TLCD3A: variants seen among roughly 807,000 people sequenced by gnomAD.
The protein encoded by TLCD3A is TLC domain containing 3A.
A neutral mutation model predicts 29.9 loss-of-function variants in TLCD3A; 17 were observed. The observed-to-expected ratio is 0.57, with a 90% confidence interval of 0.39 to 0.85. The LOEUF is 0.85. Ranked by LOEUF, TLCD3A falls within the 40% of genes least tolerant of loss-of-function variation. The probability of loss-of-function intolerance (pLI) is 0.00; values close to 1 mark genes in which losing one functional copy is unlikely to be tolerated. For synonymous variants in TLCD3A, 143 were observed against 147.7 expected (o/e 0.97, Z 0.23); for missense variants, 332 against 350.8 (o/e 0.95, Z 0.43).
chr17:737,820 C>T (rs757947784), intron 2 of TLCD3A, 26 bp from the exon 3 acceptor site: 125 of 1,604,502 alleles, frequency 7.8e-5, no homozygotes, highest in South Asian at 1.3e-4. Flanking sequence ...AATGATTTCA[C>T]GGGCCATTCA....
At chr17:735,952 C>T (rs1304268817) in intron 2 of TLCD3A, among the ~76,000 whole-genome samples, 2 of 132,054 alleles carry the variant, frequency 1.5e-5, no homozygotes, top group South Asian at 2.5e-4. Context: ...CCAGCCTGGG[C>T]GACAGAGCAA....
intron 3 of TLCD3A, 47 bp downstream of exon 3, chr17:738,094 G>GGATTTTTT: frequency 2.3e-6 from 1 of 428,610 alleles, no homozygotes; most frequent in Non-Finnish European, 3.5e-6. Flanking sequence ...TGAGCTGGGT[G>GGATTTTTT]TCTTTTTTTT....
chr17:740,566 C>G lies in TLCD3A; in HGVS notation c.470C>G (p.Thr157Ser). Residue 157 changes from threonine (T) to serine (S), a missense_variant, in exon 4 of 5, where the codon ACT (threonine) becomes AGT (serine). Coordinates refer to ENST00000308278, the MANE Select transcript of TLCD3A (RefSeq NM_024792.3). ...VGCIFTAELSTPFVSLGRVLI... is the reference protein window; with the variant it reads ...VGCIFTAELSSPFVSLGRVLI... ...TGCATCTTCACGGCAGAACTGAGCA[C>G]TCCGTTTGTGTCGCTGGGCAGGGTT... The G allele has an allele frequency of 6.2e-7, 1 of 1,614,008 alleles. No individual in the cohort carries two copies. Among genetic ancestry groups the G allele is most frequent in the Non-Finnish European group, 8.5e-7 (1 of 1,179,974 alleles).
chr17:740,425 T>A, intron 3 of TLCD3A, 80 bp from the exon 4 acceptor site: 2 of 1,046,334 alleles, frequency 1.9e-6, no homozygotes, highest in Non-Finnish European at 3.0e-6. Context: ...GTTACCCTTT[T>A]CAGTAGCCCT....
intron 1 of TLCD3A, 57 bp downstream of exon 1, chr17:732,826 C>T: frequency 1.4e-6 from 2 of 1,390,594 alleles, no homozygotes; most frequent in Non-Finnish European, 1.9e-6. Flanking sequence ...CCGCACCCCA[C>T]CCGGCCGCGG....
At chr17:740,467 C>A in intron 3 of TLCD3A, 38 bp from the exon 4 acceptor site, 1 of 1,506,206 alleles carries the variant, frequency 6.6e-7, no homozygotes, top group Non-Finnish European at 9.2e-7. Context: ...GGTTTCTTAA[C>A]CTCCACTTAC....
chr17:740,883 T>G (rs767473327), intron 4 of TLCD3A, among the ~76,000 whole-genome samples: 1 of 152,174 alleles, frequency 6.6e-6, no homozygotes, highest in Non-Finnish European at 1.5e-5. Flanking sequence ...GAGAGTGGGA[T>G]GAGAGATCCT....
intron 3 of TLCD3A, among the ~76,000 whole-genome samples, chr17:738,540 C>T (rs79896120): frequency 0.011 from 1,629 of 152,270 alleles, 18 homozygotes; most frequent in East Asian, 0.06. Flanking sequence ...ACACATGAAA[C>T]GTTCATGATC....
Position 733,304 on chromosome 17 carries a change from C to T in TLCD3A, c.206+123C>T, listed in dbSNP as rs148990429. ...GGAAAAGCTGGCACCACAATGGGCTCCTTCTTCCTCTCCGGAGTCTTCGGG... is the reference window on the plus strand; with the variant it reads ...GGAAAAGCTGGCACCACAATGGGCTTCTTCTTCCTCTCCGGAGTCTTCGGG... On this transcript the variant is annotated intron_variant, in intron 2 of 4. Coordinates refer to ENST00000308278, the MANE Select transcript of TLCD3A (RefSeq NM_024792.3). The T allele has an allele frequency of 1.7e-5, 15 of 900,982 alleles. No homozygotes were observed. The South Asian group carries it at 2.6e-4, about 16-fold the overall frequency. 55.8% of individuals were successfully genotyped at this position (900,982 alleles called of 1,614,324 possible). A position where few individuals can be genotyped will look rare whatever the true frequency, so the allele number is the denominator to read the frequency against.
Position 742,342 on chromosome 17 carries a change from C to G in TLCD3A, c.*772C>G, listed in dbSNP as rs1400035918. ...TTCTTTTTCACACACCCCTTCATGC[C>G]CGGCTTTCCCCATATCCACATGCAG... On this transcript the variant is annotated 3_prime_UTR_variant, in exon 5 of 5. Coordinates refer to ENST00000308278, the MANE Select transcript of TLCD3A (RefSeq NM_024792.3). 1 of 152,156 alleles carries G rather than the reference C, an allele frequency of 6.6e-6. No individual in the cohort carries two copies. The highest frequency in any genetic ancestry group is 1.9e-4 in the East Asian group (1 of 5,198). The allele number at this position is 152,156 out of a possible 1,614,324, so 9.4% of individuals were successfully genotyped here. A position where few individuals can be genotyped will look rare whatever the true frequency, so the allele number is the denominator to read the frequency against.
intron 3 of TLCD3A, among the ~76,000 whole-genome samples, chr17:738,577 ACTTTTT>A (rs1172738317): frequency 6.6e-6 from 1 of 151,860 alleles, no homozygotes; most frequent in Non-Finnish European, 1.5e-5. Context: ...ACATCAACAT[ACTTTTT>A]CTTTTTTGAG....
chr17:734,891 C>T (rs911598275), intron 2 of TLCD3A, among the ~76,000 whole-genome samples: 12 of 151,514 alleles, frequency 7.9e-5, no homozygotes, highest in African/African-American at 2.9e-4. Flanking sequence ...CTCTGTCACC[C>T]ACGCTGGTCT....
chr17:736,006 A>G (rs79949999), intron 2 of TLCD3A, among the ~76,000 whole-genome samples: 1 of 137,570 alleles, frequency 7.3e-6, no homozygotes, highest in Non-Finnish European at 1.6e-5. Context: ...AAAAAAAAAA[A>G]GGAACCTGGC....
intron 3 of TLCD3A, among the ~76,000 whole-genome samples, chr17:739,387 C>T (rs1974214198): frequency 6.6e-6 from 1 of 152,130 alleles, no homozygotes; most frequent in South Asian, 2.1e-4. Context: ...CGGGGTTTCA[C>T]CATATTGGTC....
chr17:733,225 G>A, intron 2 of TLCD3A, 44 bp downstream of exon 2: 1 of 1,468,022 alleles, frequency 6.8e-7, no homozygotes, highest in South Asian at 1.3e-5. Context: ...TCACATTTCA[G>A]TAGCTCGCAG....
chr17:741,237 C>T, intron 4 of TLCD3A, 64 bp from the exon 5 acceptor site: 1 of 1,563,820 alleles, frequency 6.4e-7, no homozygotes, highest in Non-Finnish European at 8.7e-7. Context: ...GGGACTTGGG[C>T]CCGTCGCTCC....
intron 1 of TLCD3A, 134 bp from the exon 2 acceptor site, chr17:732,964 G>A (rs1974095894): frequency 3.6e-6 from 5 of 1,395,692 alleles, no homozygotes; most frequent in African/African-American, 3.0e-5. Flanking sequence ...GGGCGGGAAT[G>A]GCCGATGAGC....
At chr17:735,688 G>A (rs993825252) in intron 2 of TLCD3A, among the ~76,000 whole-genome samples, 1 of 152,032 alleles carries the variant, frequency 6.6e-6, no homozygotes, top group African/African-American at 2.4e-5. Context: ...AGCTAGGTCG[G>A]GTGCGGTGGC....
chr17:732,627 G>C lies in TLCD3A; in HGVS notation c.-21G>C. On this transcript the variant is annotated 5_prime_UTR_variant, in exon 1 of 5. Transcript: ENST00000308278. Reference sequence around the variant, plus strand: ...AACCCAGCCACGCGGCGCCAGCGAGGCGGCCGGACCCGCAGCCCCGATGCT... The same window carrying C: ...AACCCAGCCACGCGGCGCCAGCGAGCCGGCCGGACCCGCAGCCCCGATGCT... The C allele has an allele frequency of 8.1e-7, 1 of 1,232,052 alleles. No homozygotes were observed. The highest frequency in any genetic ancestry group is 1.0e-6 in the Non-Finnish European group (1 of 988,142). 76.3% of individuals were successfully genotyped at this position (1,232,052 alleles called of 1,614,324 possible). A position where few individuals can be genotyped will look rare whatever the true frequency, so the allele number is the denominator to read the frequency against.
Sources: allele counts gnomAD v4.1 joint callset (sites outside exome capture counted in the v4.1 genomes callset), GRCh38; gene constraint gnomAD v4.1.1; transcripts MANE v1.5; gene names NCBI Gene and HGNC (gene_info 2026-07-23, HGNC 2026-07-21).